The following IMMP2L variants were observed in gnomAD, a reference collection of about 807,000 sequenced individuals.
The protein encoded by IMMP2L is inner mitochondrial membrane peptidase subunit 2, also known as mitochondrial inner membrane protease subunit 2.
Under a neutral mutation model 19.3 loss-of-function variants are expected in IMMP2L, and 18 were observed. The observed-to-expected ratio is 0.93, with a 90% CI of 0.64 to 1.38. The LOEUF is 1.38. Among genes scored for constraint, IMMP2L ranks in the 40% most tolerant of loss-of-function variants. IMMP2L has a pLI of 0.00. For synonymous variants in IMMP2L, 76 were observed against 73.0 expected (o/e 1.04, Z -0.21); for missense variants, 233 against 218.2 (o/e 1.07, Z -0.43).
intron 1 of IMMP2L, among the ~76,000 whole-genome samples, chr7:111,530,506 C>T (rs1362895053): frequency 6.6e-6 from 1 of 151,976 alleles, no homozygotes; most frequent in Non-Finnish European, 1.5e-5. Flanking sequence ...TGATATTAAC[C>T]AGTTAACAAG....
intron 3 of IMMP2L, among the ~76,000 whole-genome samples, chr7:111,179,830 C>T (rs905629112): frequency 1.3e-5 from 2 of 152,066 alleles, no homozygotes; most frequent in Admixed American, 1.3e-4. Context: ...ATTGCTGTAA[C>T]TTCTATGTCA....
intron 5 of IMMP2L, among the ~76,000 whole-genome samples, chr7:110,885,896 T>C (rs184041079): frequency 6.6e-6 from 1 of 152,148 alleles, no homozygotes; most frequent in Non-Finnish European, 1.5e-5. Flanking sequence ...AAACACACCT[T>C]GTTAAAATGT....
chr7:110,921,160 A>G (rs191731750), intron 4 of IMMP2L, among the ~76,000 whole-genome samples: 132 of 152,310 alleles, frequency 8.7e-4, no homozygotes, highest in South Asian at 3.5e-3. Context: ...ATGTTGTTTT[A>G]TATGCTACTC....
At chr7:111,493,923 C>T (rs1288041127) in intron 2 of IMMP2L, among the ~76,000 whole-genome samples, 1 of 151,420 alleles carries the variant, frequency 6.6e-6, no homozygotes, top group Non-Finnish European at 1.5e-5. Context: ...TGGCGTGAAC[C>T]CAGGAGGCGG....
chr7:111,164,258 T>C (rs1805588867), intron 3 of IMMP2L, among the ~76,000 whole-genome samples: 1 of 151,980 alleles, frequency 6.6e-6, no homozygotes, highest in Admixed American at 6.6e-5. Flanking sequence ...TCGGCGCAAT[T>C]ACTTTTGCAC....
chr7:110,772,232 T>C (rs6971684), intron 5 of IMMP2L, among the ~76,000 whole-genome samples: 30 of 152,126 alleles, frequency 2.0e-4, no homozygotes, highest in African/African-American at 6.8e-4. Flanking sequence ...ACATTGAGAA[T>C]GGTGATCCAT....
intron 3 of IMMP2L, among the ~76,000 whole-genome samples, chr7:111,417,431 G>A (rs1835059542): frequency 6.6e-6 from 1 of 151,714 alleles, no homozygotes; most frequent in Non-Finnish European, 1.5e-5. Flanking sequence ...ATATGTAAGT[G>A]GTTCTTGGTC....
At chr7:110,857,988 T>C (rs1806984085) in intron 5 of IMMP2L, among the ~76,000 whole-genome samples, 1 of 152,082 alleles carries the variant, frequency 6.6e-6, no homozygotes, top group African/African-American at 2.4e-5. Flanking sequence ...AACTCCACTT[T>C]CTACTAGGCT....
At chr7:111,365,862 A>G in intron 3 of IMMP2L, among the ~76,000 whole-genome samples, 1 of 152,106 alleles carries the variant, frequency 6.6e-6, no homozygotes, top group Non-Finnish European at 1.5e-5. Flanking sequence ...CTCAAAAATG[A>G]TTTTTTAAAA....
chr7:111,140,007 T>G (rs1473641172), intron 3 of IMMP2L, among the ~76,000 whole-genome samples: 1 of 152,100 alleles, frequency 6.6e-6, no homozygotes, highest in East Asian at 1.9e-4. Flanking sequence ...TTCCTACATA[T>G]GTTATTTTCT....
chr7:111,414,241 G>A (rs1470010532), intron 3 of IMMP2L, among the ~76,000 whole-genome samples: 2 of 151,788 alleles, frequency 1.3e-5, no homozygotes, highest in African/African-American at 2.4e-5. Flanking sequence ...TGTCACCTCT[G>A]CAGGCAATTT....
At chr7:110,724,493 C>T (rs1429097738) in intron 5 of IMMP2L, 1 of 152,134 alleles carries the variant, frequency 6.6e-6, no homozygotes, top group East Asian at 1.9e-4. Context: ...CTGTTTGCTA[C>T]ATTGTAGGAA....
intron 3 of IMMP2L, among the ~76,000 whole-genome samples, chr7:111,109,066 AAAC>A (rs1025831288): frequency 1.3e-5 from 2 of 152,206 alleles, no homozygotes; most frequent in Non-Finnish European, 2.9e-5. Flanking sequence ...TCTATAAAGA[AAAC>A]AACATGGTGA....
chr7:111,480,989 C>T lies in IMMP2L; in HGVS notation c.239+6249G>A, dbSNP rs180927147. Among the ~76,000 whole-genome samples the T allele has an allele frequency of 3.3e-5, 5 of 152,130 alleles. No individual in the cohort carries two copies. In the East Asian group the frequency reaches 9.7e-4, roughly 29 times the overall value. On this transcript the variant is annotated intron_variant, in intron 3 of 5. Transcript: ENST00000405709. ...TCTTTCGTTTTTCTTTTTTCAAATG[C>T]TCTATTCTATTTCATCTATTTCCCT...
intron 3 of IMMP2L, among the ~76,000 whole-genome samples, chr7:111,462,747 C>T (rs1057167465): frequency 1.3e-5 from 2 of 151,984 alleles, no homozygotes; most frequent in African/African-American, 4.8e-5. Flanking sequence ...TAATACAGTT[C>T]GTCTATAGGG....
At chr7:111,061,273 C>G (rs1048512475) in intron 3 of IMMP2L, among the ~76,000 whole-genome samples, 1 of 152,096 alleles carries the variant, frequency 6.6e-6, no homozygotes, top group Admixed American at 6.5e-5. Context: ...ATCAGACTGG[C>G]TAGTGAGCCA....
chr7:111,068,393 A>G, intron 3 of IMMP2L, among the ~76,000 whole-genome samples: 1 of 152,206 alleles, frequency 6.6e-6, no homozygotes, highest in East Asian at 1.9e-4. Flanking sequence ...ATAAATTAAT[A>G]TGTAAAACCA....
chr7:111,297,466 G>A (rs1200773416), intron 3 of IMMP2L, among the ~76,000 whole-genome samples: 2 of 152,088 alleles, frequency 1.3e-5, no homozygotes, highest in Non-Finnish European at 2.9e-5. Flanking sequence ...TGTTACTGGT[G>A]AGACTGTCAC....
At chr7:111,011,217 A>C (rs1406929477) in intron 3 of IMMP2L, among the ~76,000 whole-genome samples, 1 of 152,138 alleles carries the variant, frequency 6.6e-6, no homozygotes, top group Non-Finnish European at 1.5e-5. Context: ...TGCTAGATTA[A>C]TCATGTTGAA....
Sources: allele counts gnomAD v4.1 joint callset (sites outside exome capture counted in the v4.1 genomes callset), GRCh38; gene constraint gnomAD v4.1.1; transcripts MANE v1.5; gene names NCBI Gene and HGNC (gene_info 2026-07-23, HGNC 2026-07-21).